Variants in C10orf67 observed in about 807,000 individuals in gnomAD.
C10orf67 encodes chromosome 10 open reading frame 67.
C10orf67 carries 60 observed loss-of-function variants against 35.6 expected under a neutral mutation model. That is an observed-to-expected ratio of 1.68 (90% CI 1.37 to 2.09). C10orf67 has a LOEUF of 2.09. Ranked by LOEUF, C10orf67 falls within the 30% of genes most tolerant of loss-of-function variation. C10orf67 has a pLI of 0.00. For missense variants in C10orf67, 474 were observed against 330.2 expected, an observed-to-expected ratio of 1.44 and a Z score of -3.38; for synonymous variants, 167 against 115.8, an observed-to-expected ratio of 1.44 and a Z score of -2.84.
At chr10:23,332,230 CTA>C (rs1412929028) in intron 2 of C10orf67, among the ~76,000 whole-genome samples, 2 of 152,154 alleles carry the variant, frequency 1.3e-5, no homozygotes, top group Admixed American at 1.3e-4. Flanking sequence ...TGAGGAAACT[CTA>C]TGTGTCAATA....
intron 15 of C10orf67, among the ~76,000 whole-genome samples, chr10:23,215,650 G>A (rs1051190258): frequency 2.0e-5 from 3 of 152,100 alleles, no homozygotes; most frequent in South Asian, 2.1e-4. Flanking sequence ...CCACTGAGTC[G>A]AGTACAGCCT....
chr10:23,300,343 C>T (rs1184882408), intron 5 of C10orf67, among the ~76,000 whole-genome samples: 1 of 152,162 alleles, frequency 6.6e-6, no homozygotes, highest in Non-Finnish European at 1.5e-5. Flanking sequence ...CCTCCAAAGT[C>T]CGCTTGCCTG....
intron 12 of C10orf67, among the ~76,000 whole-genome samples, chr10:23,247,315 G>T (rs1011256877): frequency 1.3e-5 from 2 of 151,918 alleles, no homozygotes; most frequent in Admixed American, 6.6e-5. Flanking sequence ...CTTTTATACC[G>T]CATTTTCACT....
chr10:23,233,329 G>T (rs1340122515), intron 13 of C10orf67, among the ~76,000 whole-genome samples: 4 of 152,114 alleles, frequency 2.6e-5, no homozygotes, highest in Admixed American at 2.6e-4. Context: ...CCAAAATGGG[G>T]AAGGTGGGCT....
rs570654259 is a variant in C10orf67, at chr10:23,273,862, C to A, written c.976-6608G>T. ...GGAAAACTTGAACTTCTGAAGTCCA[C>A]GTAGTTGTTTTTACTCTGTATTGTT... On this transcript the variant is annotated intron_variant, in intron 8 of 15. Transcript: ENST00000636213. Among the ~76,000 whole-genome samples, 3 of 152,290 alleles carry A rather than the reference C, an allele frequency of 2.0e-5. No homozygotes were observed. In the East Asian group the frequency reaches 5.8e-4, roughly 29 times the overall value.
At chr10:23,342,515 T>C (rs1845937285) in intron 1 of C10orf67, among the ~76,000 whole-genome samples, 1 of 152,132 alleles carries the variant, frequency 6.6e-6, no homozygotes, top group Admixed American at 6.5e-5. Flanking sequence ...GGTTCTTTTG[T>C]TCAGCCAAAG....
intron 7 of C10orf67, among the ~76,000 whole-genome samples, chr10:23,284,202 A>G (rs527958120): frequency 6.8e-6 from 1 of 147,954 alleles, no homozygotes; most frequent in Admixed American, 6.8e-5. Flanking sequence ...TCCTGCTTAC[A>G]CCCCCTTCCC....
intron 13 of C10orf67, among the ~76,000 whole-genome samples, chr10:23,236,252 GGAAAAAAAAAAAA>G (rs1564465778): frequency 3.7e-5 from 3 of 81,550 alleles, no homozygotes; most frequent in East Asian, 4.1e-4. Flanking sequence ...CCCTCTCGGG[GGAAAAAAAAAAAA>G]AAAAAAAAAA....
chr10:23,325,063 A>G (rs1413775461), intron 2 of C10orf67, among the ~76,000 whole-genome samples: 1 of 152,190 alleles, frequency 6.6e-6, no homozygotes, highest in East Asian at 1.9e-4. Context: ...CAAGCCAGGC[A>G]TGATGGCTTA....
At chr10:23,207,219 T>A (rs1367583155) in intron 15 of C10orf67, among the ~76,000 whole-genome samples, 1 of 151,758 alleles carries the variant, frequency 6.6e-6, no homozygotes, top group Non-Finnish European at 1.5e-5. Flanking sequence ...TTAGGGACTA[T>A]CACATGAAAA....
intron 1 of C10orf67, among the ~76,000 whole-genome samples, chr10:23,339,879 A>T (rs913203507): frequency 1.3e-5 from 2 of 152,208 alleles, no homozygotes; most frequent in African/African-American, 4.8e-5. Context: ...TATAGTAAAT[A>T]TAAACAGCCA....
At chr10:23,269,433 C>A (rs954954161) in intron 8 of C10orf67, among the ~76,000 whole-genome samples, 1 of 151,924 alleles carries the variant, frequency 6.6e-6, no homozygotes. Context: ...CAATGGAATT[C>A]TAAAATATTA....
At chr10:23,332,690 A>T (rs904350637) in intron 2 of C10orf67, among the ~76,000 whole-genome samples, 6 of 151,308 alleles carry the variant, frequency 4.0e-5, no homozygotes, top group African/African-American at 1.2e-4. Flanking sequence ...AAAAAAAAAA[A>T]TTCAAAGAAA....
intron 10 of C10orf67, among the ~76,000 whole-genome samples, chr10:23,264,168 G>A (rs1018385734): frequency 2.6e-5 from 4 of 152,172 alleles, no homozygotes; most frequent in Admixed American, 6.6e-5. Context: ...ATATTTAAAA[G>A]AGAGGAGCGG....
chr10:23,219,741 T>C (rs982621752), intron 15 of C10orf67, among the ~76,000 whole-genome samples: 1 of 152,230 alleles, frequency 6.6e-6, no homozygotes, highest in African/African-American at 2.4e-5. Context: ...GAAGGACATA[T>C]CACCTGATGT....
At chr10:23,315,288 C>A (rs545230586) in intron 4 of C10orf67, among the ~76,000 whole-genome samples, 125 of 152,294 alleles carry the variant, frequency 8.2e-4, no homozygotes, top group African/African-American at 2.9e-3. Flanking sequence ...TAGCTTTCTA[C>A]TCCTAGAAGT....
In C10orf67 at chr10:23,344,630, A is replaced by C; in HGVS notation, c.145T>G (p.Cys49Gly). 1.9e-6 allele frequency: 3 copies of C among 1,584,292 alleles called. No homozygotes were observed. The highest frequency in any genetic ancestry group is 2.6e-6 in the Non-Finnish European group (3 of 1,165,900). The change falls in exon 1 of 16, where the codon TGC (cysteine) becomes GGC (glycine). Residue 49 changes from cysteine (C) to glycine (G), a missense_variant. Cys to Gly is a radical substitution (Grantham distance 159, BLOSUM62 -3). Transcript: ENST00000636213. ...KAKATELRVC[C>G]ARRKREAREF... ...CGAGCTTCTCGCTTCCTACGCGCGC[A>C]GCAGACCCGCAGCTCGGTGGCCTTG...
intron 13 of C10orf67, among the ~76,000 whole-genome samples, chr10:23,231,615 C>T (rs1344078626): frequency 1.3e-5 from 2 of 152,158 alleles, no homozygotes; most frequent in African/African-American, 4.8e-5. Flanking sequence ...AGCAAGTGAA[C>T]TTACCAGTAC....
At chr10:23,248,671 A>G (rs1481394216) in intron 12 of C10orf67, among the ~76,000 whole-genome samples, 2 of 152,232 alleles carry the variant, frequency 1.3e-5, no homozygotes, top group Admixed American at 1.3e-4. Context: ...ATTAATCTCC[A>G]TATCACACCA....
Sources: allele counts gnomAD v4.1 joint callset (sites outside exome capture counted in the v4.1 genomes callset), GRCh38; gene constraint gnomAD v4.1.1; transcripts MANE v1.5; gene names NCBI Gene and HGNC (gene_info 2026-07-23, HGNC 2026-07-21).